EIF2B2: variants seen among roughly 807,000 people sequenced by gnomAD.
The protein encoded by EIF2B2 is translation initiation factor eIF2B subunit beta.
EIF2B2 carries 34 observed loss-of-function variants against 34.7 expected under a neutral mutation model. The ratio of observed to expected loss-of-function variants is 0.98; its 90% CI spans 0.75 to 1.31. EIF2B2 has a LOEUF of 1.31. EIF2B2 is among the 50% of genes most tolerant of loss of function. The pLI, the probability that EIF2B2 is intolerant of heterozygous loss-of-function variation, is 0.00. For synonymous variants in EIF2B2, 155 were observed against 171.6 expected, an observed-to-expected ratio of 0.90 and a Z score of 0.76; for missense variants, 361 against 447.7, an observed-to-expected ratio of 0.81 and a Z score of 1.75.
intron 6 of EIF2B2, chr14:75,007,395 G>A: frequency 2.9e-6 from 1 of 348,050 alleles, no homozygotes; most frequent in Non-Finnish European, 5.5e-6. Flanking sequence ...TGCCCATTTT[G>A]TATAAAAGGA....
chr14:75,007,547 C>T, intron 6 of EIF2B2, 175 bp from the exon 7 acceptor site: 1 of 562,600 alleles, frequency 1.8e-6, no homozygotes, highest in South Asian at 2.0e-5. Flanking sequence ...TTTATTAATC[C>T]ATTCATCTGT....
In EIF2B2 at chr14:75,006,197, A is replaced by G; in HGVS notation, c.693+236A>G. 3.8e-6 allele frequency: 2 copies of G among 520,146 alleles called. No homozygotes were observed. Among genetic ancestry groups the G allele is most frequent in the African/African-American group, 1.9e-5 (1 of 52,248 alleles). The allele number at this position is 520,146 out of a possible 1,614,324, so 32.2% of individuals were successfully genotyped here. Reference sequence around the variant, plus strand: ...GAAGCATTGAAAAGAATGAAGTATTAAATAGAACTAAGGCAAGAGTGTCAG... The same window carrying G: ...GAAGCATTGAAAAGAATGAAGTATTGAATAGAACTAAGGCAAGAGTGTCAG... On this transcript the variant is annotated intron_variant, in intron 5 of 7. Coordinates refer to ENST00000266126, the MANE Select transcript of EIF2B2 (RefSeq NM_014239.4). The surrounding 1 kb of genome is among the most constrained non-coding windows in gnomAD (Gnocchi z 4.1).
intron 4 of EIF2B2, 28 bp downstream of exon 4, chr14:75,004,928 AGAAAAAT>A: frequency 6.2e-7 from 1 of 1,607,560 alleles, no homozygotes; most frequent in Non-Finnish European, 8.5e-7. Flanking sequence ...GTTGCTACTA[AGAAAAAT>A]GAAAAATGAA....
At chr14:75,008,725 T>C (rs1247131470) in intron 7 of EIF2B2, among the ~76,000 whole-genome samples, 1 of 152,218 alleles carries the variant, frequency 6.6e-6, no homozygotes, top group African/African-American at 2.4e-5. Flanking sequence ...CATACATGGC[T>C]AGACAGTAAT....
chr14:75,003,255 C>G lies in EIF2B2; in HGVS notation c.164-20C>G. 1 of 1,613,600 alleles carries G rather than the reference C, an allele frequency of 6.2e-7. No homozygotes were observed. The highest frequency in any genetic ancestry group is 8.5e-7 in the Non-Finnish European group (1 of 1,180,014). ...TCACTTCGCGTTGGCTCCTCTTATC[C>G]TCTCTCTTTTGGACTGTAGGGGAGC... On this transcript the variant is annotated intron_variant, in intron 1 of 7. Transcript: ENST00000266126.
intron 4 of EIF2B2, 50 bp downstream of exon 4, chr14:75,004,950 A>G (rs1226290399): frequency 1.3e-6 from 2 of 1,598,568 alleles, no homozygotes; most frequent in Admixed American, 3.3e-5. Context: ...AATGAAGAAG[A>G]AATAAACGAG....
In EIF2B2 at chr14:75,010,560, C is replaced by A. The variant is rs190227308; in HGVS notation, c.*1372C>A. On this transcript the variant is annotated 3_prime_UTR_variant, in exon 8 of 8. Coordinates refer to ENST00000266126, the MANE Select transcript of EIF2B2 (RefSeq NM_014239.4). Reference sequence around the variant, plus strand: ...AATATTTAAAAATCTGGAGATTGCACATTTCAAAAATTCAGATTTCTTGCT... The same window carrying A: ...AATATTTAAAAATCTGGAGATTGCAAATTTCAAAAATTCAGATTTCTTGCT... 1.6e-4 allele frequency: 25 copies of A among 152,312 alleles called. No homozygotes were observed. Among genetic ancestry groups the A allele is most frequent in the Middle Eastern group, 6.8e-3 (2 of 294 alleles). The allele number at this position is 152,312 out of a possible 1,614,324, so 9.4% of individuals were successfully genotyped here.
Position 75,003,554 on chromosome 14 carries a change from C to A in EIF2B2, c.288C>A (p.Leu96=). Reference sequence around the variant, plus strand: ...TTGGGTCTTGTTGCCTCTATAGACTCCATGGACGCAGCGACGAGAGTGATC... The same window carrying A: ...TTGGGTCTTGTTGCCTCTATAGACTACATGGACGCAGCGACGAGAGTGATC... ...LKIIREEYGR[L]HGRSDESDQQ... Residue 96 remains leucine (L), a synonymous_variant, in exon 3 of 8, where the codon CTC becomes CTA. Coordinates refer to ENST00000266126, the MANE Select transcript of EIF2B2 (RefSeq NM_014239.4). 1.2e-6 allele frequency: 2 copies of A among 1,614,174 alleles called. No homozygotes were observed. Among genetic ancestry groups the A allele is most frequent in the Non-Finnish European group, 1.7e-6 (2 of 1,180,034 alleles).
In EIF2B2 at chr14:75,006,973, T is replaced by C; in HGVS notation, c.831+259T>C. On this transcript the variant is annotated intron_variant, in intron 6 of 7. Transcript: ENST00000266126. This position sits in a 1 kb window ranked among gnomAD's most constrained non-coding sequence, Gnocchi z 4.1. ...TTGGGAAAGGTCCTTTGCTTACGAT[T>C]GCCACCACTCCCTGTCGCCTGACCA... is the stretch of plus-strand genomic sequence containing the variant. The C allele has an allele frequency of 1.6e-6, 1 of 622,838 alleles. No individual in the cohort carries two copies. The highest frequency in any genetic ancestry group is 1.5e-5 in the South Asian group (1 of 66,250). 38.6% of individuals were successfully genotyped at this position (622,838 alleles called of 1,614,324 possible).
chr14:75,003,617 C>G lies in EIF2B2; in HGVS notation c.351C>G (p.Gly117=). 6.2e-7 allele frequency: 1 copy of G among 1,614,144 alleles called. No homozygotes were observed. The highest frequency in any genetic ancestry group is 1.1e-5 in the South Asian group (1 of 91,076). Residue 117 remains glycine (G), a synonymous_variant, in exon 3 of 8, where the codon GGC becomes GGG. Transcript: ENST00000266126. ...TGCACAAACTGTTGACATCCGGAGG[C>G]CTAAACGAGGATTTCAGCTTCCATT... ...ESLHKLLTSG[G]LNEDFSFHYA...
At chr14:75,008,358 GTTGA>G (rs1477494722) in intron 7 of EIF2B2, 1 of 175,194 alleles carries the variant, frequency 5.7e-6, no homozygotes, top group Non-Finnish European at 1.2e-5. Flanking sequence ...CCTCTTGGAA[GTTGA>G]TTGACTTCAT....
chr14:75,007,411 A>G lies in EIF2B2; in HGVS notation c.832-311A>G, dbSNP rs148852962. On this transcript the variant is annotated intron_variant, in intron 6 of 7. Coordinates refer to ENST00000266126, the MANE Select transcript of EIF2B2 (RefSeq NM_014239.4). ...GCCCATTTTGTATAAAAGGAATCATATAATATGTGACATGTTGTGCCTGAC... is the reference window on the plus strand; with the variant it reads ...GCCCATTTTGTATAAAAGGAATCATGTAATATGTGACATGTTGTGCCTGAC... 1,731 of 354,208 alleles carry G rather than the reference A, an allele frequency of 4.9e-3. 10 individuals carry two copies. The highest frequency in any genetic ancestry group is 8.1e-3 in the Admixed American group (197 of 24,186). The allele number at this position is 354,208 out of a possible 1,614,324, so 21.9% of individuals were successfully genotyped here.
chr14:75,006,357 G>T lies in EIF2B2; in HGVS notation c.694-220G>T, dbSNP rs1398257883. On this transcript the variant is annotated intron_variant, in intron 5 of 7. Coordinates refer to ENST00000266126, the MANE Select transcript of EIF2B2 (RefSeq NM_014239.4). The surrounding 1 kb of genome is among the most constrained non-coding windows in gnomAD (Gnocchi z 4.1). Reference sequence around the variant, plus strand: ...TCCAGAAAATATGGGACTGAGAGCAGTAGGTTTTGCAGTTTCTTGTCCCAT... The same window carrying T: ...TCCAGAAAATATGGGACTGAGAGCATTAGGTTTTGCAGTTTCTTGTCCCAT... 4.7e-6 allele frequency: 3 copies of T among 639,042 alleles called. No homozygotes were observed. Among genetic ancestry groups the T allele is most frequent in the African/African-American group, 1.8e-5 (1 of 54,724 alleles). 39.6% of individuals were successfully genotyped at this position (639,042 alleles called of 1,614,324 possible).
At position 75,006,526 on chromosome 14, in the gene EIF2B2, T is replaced by C; in HGVS notation, c.694-51T>C. 1.2e-6 allele frequency: 2 copies of C among 1,608,910 alleles called. No individual in the cohort carries two copies. On this transcript the variant is annotated intron_variant, in intron 5 of 7. Coordinates refer to ENST00000266126, the MANE Select transcript of EIF2B2 (RefSeq NM_014239.4). This position sits in a 1 kb window ranked among gnomAD's most constrained non-coding sequence, Gnocchi z 4.1. ...TTTAGCTTTTTGTGGCCAGTGGCCC[T>C]TTTAGGGCTCCACCCCCAGGATGGC...
Position 75,003,076 on chromosome 14 carries a change from G to T in EIF2B2, c.86G>T (p.Arg29Leu). ...VETLKRGGGPRSSEEMARETL... is the reference protein window; with the variant it reads ...VETLKRGGGPLSSEEMARETL... ...ACCCTGAAGCGGGGTGGTGGGCCGC[G>T]CAGCTCCGAGGAAATGGCTCGGGAG... Residue 29 changes from arginine (R) to leucine (L), a missense_variant, in exon 1 of 8, where the codon CGC becomes CTC. Coordinates refer to ENST00000266126, the MANE Select transcript of EIF2B2 (RefSeq NM_014239.4). The T allele has an allele frequency of 1.2e-6, 2 of 1,614,020 alleles. No homozygotes were observed. The highest frequency in any genetic ancestry group is 8.5e-7 in the Non-Finnish European group (1 of 1,179,988).
chr14:75,003,715 G>C lies in EIF2B2; in HGVS notation c.433+16G>C. 6.2e-7 allele frequency: 1 copy of C among 1,614,082 alleles called. No homozygotes were observed. Among genetic ancestry groups the C allele is most frequent in the Non-Finnish European group, 8.5e-7 (1 of 1,179,994 alleles). The stretch of plus-strand genomic sequence containing the variant: ...GTGGAGCTGGGTAAGAGGCCTGATC[G>C]CTGGGAAAATGGGACTGGTCACAGG... On this transcript the variant is annotated intron_variant, in intron 3 of 7. Transcript: ENST00000266126.
At chr14:75,008,683 T>G (rs1889661853) in intron 7 of EIF2B2, among the ~76,000 whole-genome samples, 1 of 152,196 alleles carries the variant, frequency 6.6e-6, no homozygotes, top group African/African-American at 2.4e-5. Flanking sequence ...TATGAGCTGG[T>G]GCAGGGGCTT....
In EIF2B2 at chr14:75,002,962, G is replaced by A. The variant is rs1317413022; in HGVS notation, c.-29G>A. On this transcript the variant is annotated 5_prime_UTR_variant, in exon 1 of 8. Coordinates refer to ENST00000266126, the MANE Select transcript of EIF2B2 (RefSeq NM_014239.4). Reference sequence around the variant, plus strand: ...TGGTCTGGCAGGTGTGGATTCCGCCGGTGAAGGCTGAAGGCAGCTACCTTA... The same window carrying A: ...TGGTCTGGCAGGTGTGGATTCCGCCAGTGAAGGCTGAAGGCAGCTACCTTA... 4.3e-6 allele frequency: 7 copies of A among 1,613,402 alleles called. No individual in the cohort carries two copies. Among genetic ancestry groups the A allele is most frequent in the African/African-American group, 2.7e-5 (2 of 74,922 alleles).
rs1889682893 is a variant in EIF2B2, at chr14:75,009,940, A to G, written c.*752A>G. 6.5e-6 allele frequency: 1 copy of G among 152,774 alleles called. No homozygotes were observed. Among genetic ancestry groups the G allele is most frequent in the Admixed American group, 6.5e-5 (1 of 15,366 alleles). 9.5% of individuals were successfully genotyped at this position (152,774 alleles called of 1,614,324 possible). A position where few individuals can be genotyped will look rare whatever the true frequency, so the allele number is the denominator to read the frequency against. ...GAGGATCACTTGAGCCCATGAGTTC[A>G]AGGCTTCAGTGAGCTATCATTGTAC... On this transcript the variant is annotated 3_prime_UTR_variant, in exon 8 of 8. Coordinates refer to ENST00000266126, the MANE Select transcript of EIF2B2 (RefSeq NM_014239.4).
Sources: gnomAD v4.1 joint callset for allele counts (sites outside exome capture counted in the v4.1 genomes callset) on GRCh38, gnomAD v4.1.1 for gene constraint, Gnocchi (gnomAD v3.1) non-coding constraint, MANE v1.5 for transcripts, NCBI Gene and HGNC (gene_info 2026-07-23, HGNC 2026-07-21) for gene names.